NLRC5: variants seen among roughly 807,000 people sequenced by gnomAD.
NLRC5 encodes protein NLRC5.
A neutral mutation model predicts 206.9 loss-of-function variants in NLRC5; 114 were observed. The observed-to-expected ratio is 0.55, with a 90% CI of 0.47 to 0.64. The LOEUF (loss-of-function observed/expected upper bound fraction) is 0.64. Ranked by LOEUF, NLRC5 falls within the 30% of genes least tolerant of loss-of-function variation. NLRC5 has a pLI of 0.00. For synonymous variants in NLRC5, 952 were observed against 962.8 expected (o/e 0.99, Z 0.21); for missense variants, 2,008 against 2,305.5 (o/e 0.87, Z 2.64).
At chr16:56,989,975 C>G (rs1274749326) in intron 1 of NLRC5, among the ~76,000 whole-genome samples, 1 of 152,230 alleles carries the variant, frequency 6.6e-6, no homozygotes, top group Non-Finnish European at 1.5e-5. Flanking sequence ...TTTTACTTTG[C>G]AACTTTTCAT....
rs116425538 is a variant in NLRC5, at chr16:57,079,015, C to T, written c.5082-35C>T. On this transcript the variant is annotated intron_variant, in intron 43 of 48. Transcript: ENST00000688547. ...GGGTGGGGCTCTGGAAACGCCAGTC[C>T]CTCAGGCTCCTCTCACCCTCTCCTC... The T allele has an allele frequency of 1.3e-3, 1,992 of 1,592,024 alleles. 20 individuals carry two copies. The African/African-American group carries it at 0.025, about 20-fold the overall frequency.
In NLRC5 at chr16:57,079,219, A is replaced by C. The variant is rs2145131354; in HGVS notation, c.5166-2A>C. 6.2e-7 allele frequency: 1 copy of C among 1,614,010 alleles called. No homozygotes were observed. Among genetic ancestry groups the C allele is most frequent in the South Asian group, 1.1e-5 (1 of 91,090 alleles). On this transcript the variant is annotated splice_acceptor_variant, in intron 44 of 48. Coordinates refer to ENST00000688547, the MANE Select transcript of NLRC5 (RefSeq NM_001384950.1). LOFTEE classifies it high-confidence loss of function. ...CTCACAGGTATCTCCCCTACCCTGC[A>C]GCTTGGCGGAAAACAACCTGGCTGG...
intron 28 of NLRC5, 86 bp downstream of exon 28, chr16:57,058,234 A>T: frequency 8.9e-7 from 1 of 1,122,364 alleles, no homozygotes; most frequent in Non-Finnish European, 1.3e-6. Flanking sequence ...TTCTGAGGGC[A>T]TCCCCCAGAG....
rs763365261 is a variant in NLRC5 at position 57,026,273 on chromosome 16, C to T, written c.1330C>T (p.Leu444Phe). ...NMTQLYMQMV[L>F]ALSPPGHLPT... is the part of the protein sequence containing the mutation. ...GACTCAGCTCTATATGCAGATGGTG[C>T]TCGCCCTCAGCCCCCCTGGGCACTT... is the stretch of plus-strand genomic sequence containing the variant. The change falls in exon 6 of 49, where the codon CTC becomes TTC. Residue 444 changes from leucine to phenylalanine, a missense_variant. Leu to Phe is a conservative substitution (Grantham distance 22). Transcript: ENST00000688547. 1 of 1,614,016 alleles carries T rather than the reference C, an allele frequency of 6.2e-7. No individual in the cohort carries two copies. The highest frequency in any genetic ancestry group is 8.5e-7 in the Non-Finnish European group (1 of 1,180,042).
chr16:57,029,998 G>C lies in NLRC5; in HGVS notation c.2331G>C (p.Leu777=), dbSNP rs377146001. The change falls in exon 10 of 49, where the codon CTG becomes CTC. Residue 777 remains leucine (L), a synonymous_variant. Coordinates refer to ENST00000688547, the MANE Select transcript of NLRC5 (RefSeq NM_001384950.1). The part of the protein sequence containing the change: ...PHLPRLRKLD[L]SSNSICVSTL... ...CACCTTTGCCACAATCTTGCAGCCT[G>C]AGCAGCAACAGCATCTGCGTGTCAA... is the stretch of plus-strand genomic sequence containing the variant. 3 of 1,614,038 alleles carry C rather than the reference G, an allele frequency of 1.9e-6. No individual in the cohort carries two copies. Among genetic ancestry groups the C allele is most frequent in the Non-Finnish European group, 2.5e-6 (3 of 1,180,024 alleles).
intron 1 of NLRC5, chr16:56,992,513 G>C (rs2142086990): frequency 6.7e-6 from 1 of 150,204 alleles, no homozygotes; most frequent in South Asian, 2.1e-4. Context: ...GTCTCACTCT[G>C]TTGCCTAGGC....
intron 1 of NLRC5, chr16:57,013,745 C>T (rs1241380895): frequency 4.2e-6 from 3 of 721,696 alleles, no homozygotes; most frequent in Non-Finnish European, 7.6e-6. Flanking sequence ...AATACGTTTA[C>T]AATTTTTTAT....
At chr16:57,071,318 G>A (rs1335426160) in intron 38 of NLRC5, among the ~76,000 whole-genome samples, 2 of 139,572 alleles carry the variant, frequency 1.4e-5, no homozygotes, top group East Asian at 2.4e-4. Context: ...GTGATGGTTG[G>A]TTAATGGGGA....
intron 2 of NLRC5, among the ~76,000 whole-genome samples, chr16:57,018,785 C>T (rs2060352987): frequency 6.6e-6 from 1 of 152,182 alleles, no homozygotes; most frequent in Non-Finnish European, 1.5e-5. Flanking sequence ...CAAGTGTGTA[C>T]TGCTATGAGG....
chr16:57,069,643 TCCATG>T, intron 36 of NLRC5, 188 bp from the exon 37 acceptor site: 1 of 603,308 alleles, frequency 1.7e-6, no homozygotes. Flanking sequence ...ACTGAACTAG[TCCATG>T]CTTCTGCTTC....
At chr16:57,079,709 G>C in intron 46 of NLRC5, 80 bp downstream of exon 46, 1 of 1,164,030 alleles carries the variant, frequency 8.6e-7, no homozygotes, top group South Asian at 1.2e-5. Context: ...CCAGCCTGCT[G>C]TGTGGCCTGG....
At position 57,025,398 on chromosome 16, in the gene NLRC5, G is replaced by C; in HGVS notation, c.455G>C (p.Arg152Pro). ...GCCAAGAAGTACCTGCAGCTCCTGC[G>C]GACCTCTGCCCAGCAGCGCTACAGG... The part of the protein sequence containing the change: ...ELAKKYLQLL[R>P]TSAQQRYRSQ... The change falls in exon 6 of 49, where the codon CGG becomes CCG. Residue 152 changes from arginine to proline, a missense_variant. By Grantham distance (103) the Arg-to-Pro change is moderately radical (BLOSUM62 -2). Coordinates refer to ENST00000688547, the MANE Select transcript of NLRC5 (RefSeq NM_001384950.1). The C allele has an allele frequency of 6.5e-7, 1 of 1,548,874 alleles. No homozygotes were observed.
At chr16:57,034,557 C>A in intron 13 of NLRC5, 1 of 317,600 alleles carries the variant, frequency 3.1e-6, no homozygotes, top group South Asian at 3.9e-5. Context: ...CAAGGCCACA[C>A]AGGTAGGAAG....
At chr16:56,999,844 G>C (rs1472556953) in intron 1 of NLRC5, among the ~76,000 whole-genome samples, 3 of 152,232 alleles carry the variant, frequency 2.0e-5, no homozygotes, top group African/African-American at 7.2e-5. Context: ...GCCCCAGGTG[G>C]GAGGTAGCGA....
At chr16:57,000,446 C>T (rs58648164) in intron 1 of NLRC5, among the ~76,000 whole-genome samples, 2,171 of 152,162 alleles carry the variant, frequency 0.014, 46 homozygotes, top group African/African-American at 0.049. Flanking sequence ...CCTTGTTGGA[C>T]TGGGGACAGG....
At chr16:57,013,771 T>C in intron 1 of NLRC5, 1 of 711,090 alleles carries the variant, frequency 1.4e-6, no homozygotes, top group Non-Finnish European at 2.6e-6. Flanking sequence ...ATTCAGAACT[T>C]GGTATTTTCA....
chr16:57,029,859 A>G lies in NLRC5; in HGVS notation c.2327+3A>G. 6.2e-7 allele frequency: 1 copy of G among 1,613,618 alleles called. No homozygotes were observed. The highest frequency in any genetic ancestry group is 8.5e-7 in the Non-Finnish European group (1 of 1,179,526). On this transcript the variant is annotated splice_donor_region_variant and intron_variant, in intron 9 of 48. Coordinates refer to ENST00000688547, the MANE Select transcript of NLRC5 (RefSeq NM_001384950.1). ...CTACCACGGCTCCGGAAGCTTGAGT[A>G]AGTGATCTTTCCACTGCCTCTGCAG... is the stretch of plus-strand genomic sequence containing the variant.
At chr16:57,028,239 A>G in intron 7 of NLRC5, 63 bp from the exon 8 acceptor site, 3 of 1,579,774 alleles carry the variant, frequency 1.9e-6, no homozygotes, top group Non-Finnish European at 2.6e-6. Context: ...TACACAAGGC[A>G]GATTCCTGGC....
intron 19 of NLRC5, 46 bp downstream of exon 19, chr16:57,042,111 G>A (rs763204953): frequency 1.3e-5 from 16 of 1,269,202 alleles, no homozygotes; most frequent in Admixed American, 8.6e-5. Context: ...GGCAGGGGGG[G>A]AGCATTCTCT....
Sources: allele counts gnomAD v4.1 joint callset (sites outside exome capture counted in the v4.1 genomes callset), GRCh38; gene constraint gnomAD v4.1.1; transcripts MANE v1.5; gene names NCBI Gene and HGNC (gene_info 2026-07-23, HGNC 2026-07-21).